SEPTIN2: variants seen among roughly 807,000 people sequenced by gnomAD.
SEPTIN2 encodes septin 2, also known as septin-2.
SEPTIN2 carries 34 observed loss-of-function variants against 46.5 expected under a neutral mutation model. The observed-to-expected ratio is 0.73, with a 90% CI of 0.56 to 0.97. The LOEUF (loss-of-function observed/expected upper bound fraction) is 0.97. SEPTIN2 is among the 50% of genes least tolerant of loss of function. SEPTIN2 has a pLI of 0.00. For synonymous variants in SEPTIN2, 175 were observed against 153.4 expected, an observed-to-expected ratio of 1.14 and a Z score of -1.04; for missense variants, 347 against 448.4, an observed-to-expected ratio of 0.77 and a Z score of 2.04.
chr2:241,341,583 A>T (rs2081266185), intron 7 of SEPTIN2, among the ~76,000 whole-genome samples: 5 of 152,166 alleles, frequency 3.3e-5, no homozygotes, highest in Admixed American at 3.3e-4. Context: ...GGTTCCTCCC[A>T]TTTAGGAATA....
intron 3 of SEPTIN2, among the ~76,000 whole-genome samples, chr2:241,330,571 C>T (rs1575218377): frequency 2.0e-5 from 3 of 152,254 alleles, no homozygotes; most frequent in Admixed American, 2.0e-4. Context: ...TGGGAATATC[C>T]CCAAGTGGTT....
chr2:241,332,606 A>G (rs891365025), intron 3 of SEPTIN2, among the ~76,000 whole-genome samples: 2 of 152,200 alleles, frequency 1.3e-5, no homozygotes, highest in African/African-American at 4.8e-5. Flanking sequence ...AACAGTTAAG[A>G]CCCAGCAATA....
chr2:241,350,065 G>C lies in SEPTIN2; in HGVS notation c.985-8G>C. The C allele has an allele frequency of 6.2e-7, 1 of 1,612,932 alleles. No individual in the cohort carries two copies. The highest frequency in any genetic ancestry group is 8.5e-7 in the Non-Finnish European group (1 of 1,179,256). The stretch of plus-strand genomic sequence containing the variant: ...TTGAAAACCTATAATGTGTGTGTGT[G>C]TTCACAGCTCCGCCGCATGCAAGAG... On this transcript the variant is annotated splice_polypyrimidine_tract_variant and splice_region_variant and intron_variant, in intron 11 of 12. Transcript: ENST00000391971.
chr2:241,342,958 G>C, intron 7 of SEPTIN2, 34 bp from the exon 8 acceptor site: 1 of 1,227,256 alleles, frequency 8.1e-7, no homozygotes. Context: ...TACGCAGTTT[G>C]CTAAAATTGA....
At chr2:241,337,192 G>A (rs1575287602) in intron 5 of SEPTIN2, 190 bp from the exon 6 acceptor site, 11 of 556,554 alleles carry the variant, frequency 2.0e-5, no homozygotes, top group Non-Finnish European at 3.4e-5. Flanking sequence ...CAGCACTTAG[G>A]GGCAGTTATG....
At position 241,323,358 on chromosome 2, in the gene SEPTIN2, C is replaced by T. The variant is rs111781960; in HGVS notation, c.-17-858C>T. Among the ~76,000 whole-genome samples the T allele has an allele frequency of 4.6e-5, 7 of 151,656 alleles. No homozygotes were observed. In the East Asian group the frequency reaches 5.8e-4, roughly 13 times the overall value. ...GCTGAATCAGTATTTTTAGTAGAGA[C>T]GGGGTTTCACCATGTTGGCCAGGCT... On this transcript the variant is annotated intron_variant, in intron 1 of 12. Coordinates refer to ENST00000391971, the MANE Select transcript of SEPTIN2 (RefSeq NM_004404.5).
rs2060926381 is a variant in SEPTIN2, at chr2:241,353,524, T to G, written c.*1587T>G. ...GAGGCAGTTAAATAATAATAGTTAA[T>G]GAAGGTGTGCTACAGAAAATAATCT... On this transcript the variant is annotated 3_prime_UTR_variant, in exon 13 of 13. Coordinates refer to ENST00000391971, the MANE Select transcript of SEPTIN2 (RefSeq NM_004404.5). 1.3e-5 allele frequency: 2 copies of G among 152,230 alleles called. No homozygotes were observed. Among genetic ancestry groups the G allele is most frequent in the Admixed American group, 1.3e-4 (2 of 15,286 alleles). 9.4% of individuals were successfully genotyped at this position (152,230 alleles called of 1,614,324 possible).
At chr2:241,318,707 T>C (rs1323265346) in intron 1 of SEPTIN2, among the ~76,000 whole-genome samples, 2 of 150,744 alleles carry the variant, frequency 1.3e-5, no homozygotes, top group African/African-American at 4.9e-5. Flanking sequence ...ATTTTCTTTT[T>C]TTTTTTTTTT....
chr2:241,337,250 T>C (rs1441660668), intron 5 of SEPTIN2, 132 bp from the exon 6 acceptor site: 4 of 848,172 alleles, frequency 4.7e-6, no homozygotes, highest in Admixed American at 6.2e-5. Context: ...TAAAAGTCAG[T>C]CTTCTGTTCT....
intron 9 of SEPTIN2, among the ~76,000 whole-genome samples, chr2:241,345,113 CA>C (rs113341789): frequency 1.5e-4 from 21 of 141,838 alleles, no homozygotes; most frequent in African/African-American, 2.3e-4. Flanking sequence ...GACTTCATCT[CA>C]AAAAAAAAAA....
chr2:241,316,914 A>G (rs568806395), intron 1 of SEPTIN2: 1 of 180,206 alleles, frequency 5.5e-6, no homozygotes, highest in Non-Finnish European at 1.2e-5. Flanking sequence ...GATTTCCTCC[A>G]GACAGGCTTA....
In SEPTIN2 at chr2:241,336,097, T is replaced by C; in HGVS notation, c.340T>C (p.Cys114Arg). The change falls in exon 5 of 13, where the codon TGT (cysteine) becomes CGT (arginine). Residue 114 changes from cysteine (C) to arginine (R), a missense_variant and splice_region_variant. By Grantham distance (180) the Cys-to-Arg change is radical. Coordinates refer to ENST00000391971, the MANE Select transcript of SEPTIN2 (RefSeq NM_004404.5). Reference sequence around the variant, plus strand: ...TGGTGACGCTATCAACTGCAGAGATTGGTATGCTCCCCCATGCCCAGGGAT... The same window carrying C: ...TGGTGACGCTATCAACTGCAGAGATCGGTATGCTCCCCCATGCCCAGGGAT... ...GYGDAINCRD[C>R]FKTIISYIDE... is the part of the protein sequence containing the mutation. 1.2e-6 allele frequency: 2 copies of C among 1,613,916 alleles called. No homozygotes were observed. The highest frequency in any genetic ancestry group is 2.2e-5 in the South Asian group (2 of 91,064).
chr2:241,316,582 T>C, intron 1 of SEPTIN2: 1 of 1,473,666 alleles, frequency 6.8e-7, no homozygotes, highest in Non-Finnish European at 9.0e-7. Context: ...GGGGGTAGGG[T>C]ATAGGGTTGG....
chr2:241,343,180 C>G (rs974736015), intron 8 of SEPTIN2, 87 bp downstream of exon 8: 2 of 771,584 alleles, frequency 2.6e-6, no homozygotes, highest in Non-Finnish European at 4.5e-6. Flanking sequence ...TGGGTATGTT[C>G]AGTTACGAGA....
intron 3 of SEPTIN2, among the ~76,000 whole-genome samples, chr2:241,334,346 T>TAC (rs2079546768): frequency 6.6e-6 from 1 of 152,188 alleles, no homozygotes; most frequent in Non-Finnish European, 1.5e-5. Context: ...GCAGTGGGAT[T>TAC]TGTGCTTCCT....
intron 3 of SEPTIN2, among the ~76,000 whole-genome samples, chr2:241,326,886 C>A (rs2078062630): frequency 6.6e-6 from 1 of 151,986 alleles, no homozygotes; most frequent in Non-Finnish European, 1.5e-5. Flanking sequence ...TCAGGCTGGG[C>A]AACATGGTGA....
intron 10 of SEPTIN2, 141 bp downstream of exon 10, chr2:241,346,390 G>A: frequency 1.8e-6 from 1 of 544,552 alleles, no homozygotes; most frequent in South Asian, 3.0e-5. Flanking sequence ...TAAAAGAGTT[G>A]TTAATTTAAT....
chr2:241,339,783 A>G (rs1401928897), intron 7 of SEPTIN2, among the ~76,000 whole-genome samples: 2 of 152,066 alleles, frequency 1.3e-5, no homozygotes, highest in East Asian at 3.8e-4. Context: ...ACTGAGCCCA[A>G]CGCTGCACAC....
Position 241,337,807 on chromosome 2 carries a change from T to A in SEPTIN2, c.594+17T>A, listed in dbSNP as rs370575803. 101 of 1,570,052 alleles carry A rather than the reference T, an allele frequency of 6.4e-5. No homozygotes were observed. Among genetic ancestry groups the A allele is most frequent in the Non-Finnish European group, 8.8e-5 (100 of 1,140,126 alleles). ...AAGAAAAGGGTGAGTGAGGCTGGCG[T>A]CCTGCCCTCCCTCTGGGTGCGACTC... On this transcript the variant is annotated intron_variant, in intron 7 of 12. Coordinates refer to ENST00000391971, the MANE Select transcript of SEPTIN2 (RefSeq NM_004404.5).
Sources: allele counts gnomAD v4.1 joint callset (sites outside exome capture counted in the v4.1 genomes callset), GRCh38; gene constraint gnomAD v4.1.1; transcripts MANE v1.5; gene names NCBI Gene and HGNC (gene_info 2026-07-23, HGNC 2026-07-21).